The following C10orf143 variants were observed in gnomAD, a reference collection of about 807,000 sequenced individuals.
The protein encoded by C10orf143 is chromosome 10 open reading frame 143.
intron 1 of C10orf143, chr10:130,106,082 G>T: frequency 1.6e-6 from 1 of 606,210 alleles, no homozygotes. Context: ...GCGGTACTTG[G>T]GGCTGGTCCT....
At chr10:130,050,745 T>G (rs1860727442) in intron 3 of C10orf143, among the ~76,000 whole-genome samples, 1 of 152,222 alleles carries the variant, frequency 6.6e-6, no homozygotes, top group Admixed American at 6.5e-5. Context: ...TAAGAAATTA[T>G]TCTAAGAGAT....
At chr10:130,103,888 G>T (rs955361705) in intron 1 of C10orf143, among the ~76,000 whole-genome samples, 1 of 151,412 alleles carries the variant, frequency 6.6e-6, no homozygotes, top group Non-Finnish European at 1.5e-5. Context: ...AAATATTATC[G>T]ACTTGATTTT....
chr10:130,083,208 C>T (rs932428810), intron 1 of C10orf143, among the ~76,000 whole-genome samples: 1 of 152,088 alleles, frequency 6.6e-6, no homozygotes, highest in Non-Finnish European at 1.5e-5. Context: ...TAAAGAAATA[C>T]AAATTAAGTC....
At chr10:130,079,289 T>C (rs558376846) in intron 3 of C10orf143, among the ~76,000 whole-genome samples, 1 of 110,264 alleles carries the variant, frequency 9.1e-6, no homozygotes, top group African/African-American at 2.6e-5. Flanking sequence ...TTCTCTATTT[T>C]AACCAAATCC....
At position 130,064,238 on chromosome 10, in the gene C10orf143, C is replaced by T. The variant is rs140679769; in HGVS notation, c.*116G>A. The T allele has an allele frequency of 1.6e-3, 613 of 395,302 alleles. 7 individuals carry two copies. Among genetic ancestry groups the T allele is most frequent in the African/African-American group, 0.011 (552 of 48,622 alleles). The allele number at this position is 395,302 out of a possible 1,614,324, so 24.5% of individuals were successfully genotyped here. ...ACCTCCCCCCACCCACAGAGGACAC[C>T]GGGCTGCTATTTGAACAGGTAAGTC... On this transcript the variant is annotated 3_prime_UTR_variant, in exon 4 of 4. Coordinates refer to ENST00000637128, the MANE Select transcript of C10orf143 (RefSeq NM_001355042.2).
At chr10:130,088,856 T>C (rs1409047107) in intron 1 of C10orf143, among the ~76,000 whole-genome samples, 1 of 152,192 alleles carries the variant, frequency 6.6e-6, no homozygotes, top group Admixed American at 6.5e-5. Context: ...GAGGTTTCTT[T>C]CTATGACATT....
At chr10:130,075,666 TGGAAG>T (rs1861104097) in intron 3 of C10orf143, among the ~76,000 whole-genome samples, 1 of 152,172 alleles carries the variant, frequency 6.6e-6, no homozygotes, top group African/African-American at 2.4e-5. Context: ...CCACACATGT[TGGAAG>T]GGAGCTGGTG....
At chr10:130,077,739 T>C (rs953936036) in intron 3 of C10orf143, among the ~76,000 whole-genome samples, 4 of 152,250 alleles carry the variant, frequency 2.6e-5, no homozygotes, top group African/African-American at 9.6e-5. Context: ...TTTGATGTTT[T>C]ATAATACAAA....
intron 3 of C10orf143, among the ~76,000 whole-genome samples, chr10:130,077,231 C>A (rs1304365757): frequency 6.6e-6 from 1 of 152,068 alleles, no homozygotes; most frequent in East Asian, 1.9e-4. Context: ...GAAGTCCTTG[C>A]ATATGAGAAA....
chr10:130,073,288 T>C (rs1180599148), intron 3 of C10orf143, among the ~76,000 whole-genome samples: 1 of 152,232 alleles, frequency 6.6e-6, no homozygotes. Context: ...GCAGGGCTTC[T>C]ACTTTTGGTT....
intron 1 of C10orf143, among the ~76,000 whole-genome samples, chr10:130,087,557 T>C (rs1171741): frequency 0.63 from 95,956 of 152,054 alleles, 30,610 homozygotes; most frequent in Admixed American, 0.72. Context: ...TCTCAGGAAG[T>C]CTTGCTGCCT....
chr10:130,089,506 G>A (rs1166522581), intron 1 of C10orf143, among the ~76,000 whole-genome samples: 1 of 152,190 alleles, frequency 6.6e-6, no homozygotes, highest in Non-Finnish European at 1.5e-5. Context: ...CTTGCCTGAA[G>A]TCTGGTGATA....
chr10:130,109,213 C>A (rs969959077), intron 1 of C10orf143, among the ~76,000 whole-genome samples: 1 of 152,194 alleles, frequency 6.6e-6, no homozygotes, highest in Non-Finnish European at 1.5e-5. Context: ...CCTGATCACA[C>A]CTTTCATTTT....
At chr10:130,105,916 G>A (rs1251068684) in intron 1 of C10orf143, 2 of 368,232 alleles carry the variant, frequency 5.4e-6, no homozygotes, top group African/African-American at 4.3e-5. Context: ...GCTCCCCCCC[G>A]CAGCCGGCTC....
At chr10:130,089,759 G>C (rs1264522098) in intron 1 of C10orf143, among the ~76,000 whole-genome samples, 1 of 152,150 alleles carries the variant, frequency 6.6e-6, no homozygotes, top group Non-Finnish European at 1.5e-5. Context: ...TTATATTTAT[G>C]GTCAAATGAT....
chr10:130,088,705 G>C (rs1861332469), intron 1 of C10orf143, among the ~76,000 whole-genome samples: 1 of 152,202 alleles, frequency 6.6e-6, no homozygotes, highest in South Asian at 2.1e-4. Flanking sequence ...CCATTGGTCT[G>C]AACACAGAAC....
chr10:130,074,328 G>T (rs1357791615), intron 3 of C10orf143, among the ~76,000 whole-genome samples: 1 of 152,178 alleles, frequency 6.6e-6, no homozygotes, highest in Admixed American at 6.5e-5. Flanking sequence ...CCTGGGGGTA[G>T]AAATGCATGG....
intron 3 of C10orf143, among the ~76,000 whole-genome samples, chr10:130,051,213 T>A (rs893939619): frequency 4.6e-5 from 7 of 151,238 alleles, no homozygotes; most frequent in Admixed American, 1.3e-4. Context: ...CTTCCTTCAG[T>A]GGCTGTTGAG....
intron 1 of C10orf143, among the ~76,000 whole-genome samples, chr10:130,088,341 G>A (rs764108782): frequency 2.6e-5 from 4 of 152,082 alleles, no homozygotes; most frequent in African/African-American, 9.7e-5. Flanking sequence ...CCAGGATCGC[G>A]CCATTGCACT....
Sources: gnomAD v4.1 joint callset for allele counts (sites outside exome capture counted in the v4.1 genomes callset) on GRCh38, gnomAD v4.1.1 for gene constraint, MANE v1.5 for transcripts, NCBI Gene and HGNC (gene_info 2026-07-23, HGNC 2026-07-21) for gene names.